HSD17B2: variants seen among roughly 807,000 people sequenced by gnomAD.
The protein encoded by HSD17B2 is hydroxysteroid 17-beta dehydrogenase 2.
Under a neutral mutation model 26.9 loss-of-function variants are expected in HSD17B2, and 32 were observed. The observed-to-expected ratio is 1.19, with a 90% CI of 0.90 to 1.60. The LOEUF is 1.60. Ranked by LOEUF, HSD17B2 falls within the 40% of genes most tolerant of loss-of-function variation. The pLI, the probability that HSD17B2 is intolerant of heterozygous loss-of-function variation, is 0.00. For missense variants in HSD17B2, 613 were observed against 468.6 expected (o/e 1.31, Z -2.85); for synonymous variants, 246 against 186.7 (o/e 1.32, Z -2.59).
chr16:82,092,529 A>G (rs1330409148), intron 4 of HSD17B2: 2 of 152,238 alleles, frequency 1.3e-5, no homozygotes, highest in Admixed American at 6.5e-5. Context: ...ATACAGAAAT[A>G]TTGAAATTTT....
At chr16:82,064,330 G>A (rs1054111812) in intron 1 of HSD17B2, among the ~76,000 whole-genome samples, 1 of 152,220 alleles carries the variant, frequency 6.6e-6, no homozygotes, top group South Asian at 2.1e-4. Flanking sequence ...GCTGTAGCAA[G>A]CATAGAAACT....
At chr16:82,035,759 G>A in intron 1 of HSD17B2, 70 bp downstream of exon 1, 1 of 1,485,960 alleles carries the variant, frequency 6.7e-7, no homozygotes. Flanking sequence ...GCAGGACTTT[G>A]TCAAATCTGG....
intron 1 of HSD17B2, among the ~76,000 whole-genome samples, chr16:82,043,718 TATAG>T: frequency 8.1e-6 from 1 of 124,144 alleles, no homozygotes; most frequent in Admixed American, 8.5e-5. Flanking sequence ...AAAAAAATCA[TATAG>T]ATAAACTTTA....
At position 82,077,339 on chromosome 16, in the gene HSD17B2, A is replaced by G. The variant is rs118127233; in HGVS notation, c.664+6212A>G. 3.9e-3 allele frequency among the ~76,000 whole-genome samples: 588 copies of G among 151,940 alleles called. 8 individuals are homozygous for G. In the East Asian group the frequency reaches 0.043, roughly 11 times the overall value. On this transcript the variant is annotated intron_variant, in intron 3 of 4. Transcript: ENST00000199936. ...CAGACATATAGACCAACAGAACAGG[A>G]TAGAGAACCCAGAAATAAATCTACA... is the stretch of plus-strand genomic sequence containing the variant.
intron 1 of HSD17B2, among the ~76,000 whole-genome samples, chr16:82,038,622 A>T (rs1346513812): frequency 6.6e-6 from 1 of 152,216 alleles, no homozygotes; most frequent in Non-Finnish European, 1.5e-5. Flanking sequence ...TCTCAACCAC[A>T]ACATAGTGGG....
intron 3 of HSD17B2, among the ~76,000 whole-genome samples, chr16:82,072,643 G>A (rs957463911): frequency 1.3e-5 from 2 of 152,176 alleles, no homozygotes; most frequent in African/African-American, 4.8e-5. Flanking sequence ...AAAATGTGCA[G>A]TATGTGCTGT....
chr16:82,082,070 C>G (rs541548626), intron 3 of HSD17B2, among the ~76,000 whole-genome samples: 1 of 152,250 alleles, frequency 6.6e-6, no homozygotes, highest in African/African-American at 2.4e-5. Context: ...CCCTTTTTCC[C>G]TGAGCTCCTT....
At chr16:82,090,611 G>A (rs553755853) in intron 3 of HSD17B2, among the ~76,000 whole-genome samples, 11 of 152,136 alleles carry the variant, frequency 7.2e-5, no homozygotes, top group African/African-American at 2.7e-4. Context: ...AAGCCACTGC[G>A]GCCAGCCCTA....
At chr16:82,036,325 TGTGTGTGTG>T (rs1913624406) in intron 1 of HSD17B2, among the ~76,000 whole-genome samples, 1 of 25,842 alleles carries the variant, frequency 3.9e-5, no homozygotes, top group Non-Finnish European at 1.1e-4. Flanking sequence ...CTTGTTTGTG[TGTGTGTGTG>T]TGTGTGTGTG....
chr16:82,091,306 G>A (rs1054675686), intron 4 of HSD17B2: 12 of 473,598 alleles, frequency 2.5e-5, no homozygotes, highest in Non-Finnish European at 3.9e-5. Context: ...CAGTAAGTCA[G>A]ATTAGTGAAA....
At chr16:82,057,041 T>C (rs931703890) in intron 1 of HSD17B2, among the ~76,000 whole-genome samples, 11 of 152,164 alleles carry the variant, frequency 7.2e-5, no homozygotes, top group African/African-American at 2.7e-4. Flanking sequence ...ATCCAAAGTA[T>C]AAAATCAATA....
At chr16:82,040,095 T>A (rs979731607) in intron 1 of HSD17B2, among the ~76,000 whole-genome samples, 1 of 152,248 alleles carries the variant, frequency 6.6e-6, no homozygotes, top group African/African-American at 2.4e-5. Flanking sequence ...AATTTTTAAT[T>A]GAAAATTTCA....
intron 2 of HSD17B2, 81 bp downstream of exon 2, chr16:82,068,463 C>T: frequency 8.8e-7 from 1 of 1,141,318 alleles, no homozygotes; most frequent in Non-Finnish European, 1.3e-6. Context: ...GAACATGCCC[C>T]CCCACTCCAC....
chr16:82,093,204 T>G (rs969584904), intron 4 of HSD17B2: 1 of 152,222 alleles, frequency 6.6e-6, no homozygotes, highest in Non-Finnish European at 1.5e-5. Flanking sequence ...AGCCCCTATA[T>G]GATCCTCTAC....
At chr16:82,055,625 C>T (rs1914242991) in intron 1 of HSD17B2, among the ~76,000 whole-genome samples, 1 of 152,170 alleles carries the variant, frequency 6.6e-6, no homozygotes, top group Admixed American at 6.5e-5. Flanking sequence ...GTAGAAAACT[C>T]CCCCACAGTG....
At chr16:82,064,909 T>C (rs527489770) in intron 1 of HSD17B2, among the ~76,000 whole-genome samples, 143 of 152,354 alleles carry the variant, frequency 9.4e-4, no homozygotes, top group South Asian at 2.7e-3. Flanking sequence ...CCATTTGCTA[T>C]TGAGTTTAAT....
At chr16:82,037,002 G>A (rs548842582) in intron 1 of HSD17B2, among the ~76,000 whole-genome samples, 41 of 152,210 alleles carry the variant, frequency 2.7e-4, no homozygotes, top group Admixed American at 9.2e-4. Flanking sequence ...TGTTTATTTT[G>A]TCAACATTCT....
chr16:82,041,545 C>T (rs964359211), intron 1 of HSD17B2, among the ~76,000 whole-genome samples: 1 of 152,214 alleles, frequency 6.6e-6, no homozygotes, highest in Non-Finnish European at 1.5e-5. Flanking sequence ...ATAGAACATC[C>T]ACTGGCTTCC....
chr16:82,081,280 C>T (rs184815266), intron 3 of HSD17B2, among the ~76,000 whole-genome samples: 58 of 152,240 alleles, frequency 3.8e-4, no homozygotes, highest in Middle Eastern at 3.4e-3. Context: ...AAGCTGTTCC[C>T]GCATGAACTT....
Sources: gnomAD v4.1 joint callset for allele counts (sites outside exome capture counted in the v4.1 genomes callset) on GRCh38, gnomAD v4.1.1 for gene constraint, MANE v1.5 for transcripts, NCBI Gene and HGNC (gene_info 2026-07-23, HGNC 2026-07-21) for gene names.